C8orf34: variants seen among roughly 807,000 people sequenced by gnomAD.
The protein encoded by C8orf34 is chromosome 8 open reading frame 34, also known as uncharacterized protein C8orf34.
C8orf34 carries 65 observed loss-of-function variants against 68.3 expected under a neutral mutation model. The observed-to-expected ratio is 0.95, with a 90% CI of 0.78 to 1.17. The LOEUF is 1.17. Among genes scored for constraint, C8orf34 ranks in the 50% most tolerant of loss-of-function variants. The pLI, the probability that C8orf34 is intolerant of heterozygous loss-of-function variation, is 0.00. For synonymous variants in C8orf34, 244 were observed against 241.2 expected (o/e 1.01, Z -0.11); for missense variants, 664 against 655.4 (o/e 1.01, Z -0.14).
intron 10 of C8orf34, among the ~76,000 whole-genome samples, chr8:68,773,454 G>A (rs1218111838): frequency 6.6e-6 from 1 of 152,044 alleles, no homozygotes; most frequent in African/African-American, 2.4e-5. Flanking sequence ...AGGTTGGAGT[G>A]CAGTGGCATG....
At chr8:68,553,489 T>C (rs1329442814) in intron 7 of C8orf34, among the ~76,000 whole-genome samples, 2 of 151,756 alleles carry the variant, frequency 1.3e-5, no homozygotes, top group East Asian at 3.9e-4. Flanking sequence ...AATTCTCCAA[T>C]GAAGCCATCT....
chr8:68,598,853 C>T (rs1029886281), intron 7 of C8orf34, among the ~76,000 whole-genome samples: 14 of 151,632 alleles, frequency 9.2e-5, no homozygotes, highest in African/African-American at 2.9e-4. Context: ...ATACAGAGGA[C>T]GAGGAAGAGG....
At chr8:68,765,668 T>C (rs1823151222) in intron 10 of C8orf34, among the ~76,000 whole-genome samples, 1 of 152,324 alleles carries the variant, frequency 6.6e-6, no homozygotes, top group African/African-American at 2.4e-5. Flanking sequence ...ACTTTACTAG[T>C]GACGCTGTTA....
intron 5 of C8orf34, among the ~76,000 whole-genome samples, chr8:68,491,809 G>A (rs935578548): frequency 6.6e-6 from 1 of 152,206 alleles, no homozygotes; most frequent in Admixed American, 6.5e-5. Flanking sequence ...CTGGGAAGTC[G>A]TGATTCTGCC....
At chr8:68,661,054 G>T (rs993958013) in intron 8 of C8orf34, among the ~76,000 whole-genome samples, 1 of 152,152 alleles carries the variant, frequency 6.6e-6, no homozygotes, top group African/African-American at 2.4e-5. Context: ...AAGACTCTGG[G>T]CATGTGGTGC....
intron 1 of C8orf34, among the ~76,000 whole-genome samples, chr8:68,396,211 T>C (rs1312909145): frequency 2.6e-5 from 4 of 152,102 alleles, no homozygotes; most frequent in African/African-American, 4.8e-5. Context: ...GACTCTAGCA[T>C]TGAGTTTGAC....
chr8:68,369,325 T>C (rs1167075383), intron 1 of C8orf34, among the ~76,000 whole-genome samples: 1 of 152,200 alleles, frequency 6.6e-6, no homozygotes, highest in East Asian at 1.9e-4. Context: ...GTTTGCTTCT[T>C]GGGAGCCTTT....
At chr8:68,491,048 AAT>A (rs1295691202) in intron 5 of C8orf34, among the ~76,000 whole-genome samples, 1 of 152,180 alleles carries the variant, frequency 6.6e-6, no homozygotes, top group Admixed American at 6.5e-5. Context: ...GGATTCACTA[AAT>A]ATATGTTTTT....
At chr8:68,605,118 A>C (rs564764531) in intron 7 of C8orf34, among the ~76,000 whole-genome samples, 1 of 152,242 alleles carries the variant, frequency 6.6e-6, no homozygotes, top group African/African-American at 2.4e-5. Flanking sequence ...GCTCCACATC[A>C]TTTGTCATTC....
intron 1 of C8orf34, 181 bp from the exon 2 acceptor site, chr8:68,439,318 G>A: frequency 2.0e-6 from 1 of 497,006 alleles, no homozygotes; most frequent in East Asian, 3.2e-5. Context: ...CTCTGTTATT[G>A]TTTCCTCAGA....
intron 3 of C8orf34, among the ~76,000 whole-genome samples, chr8:68,463,558 C>G (rs991555577): frequency 6.6e-6 from 1 of 152,174 alleles, no homozygotes. Context: ...TACTGGCAAA[C>G]TGAATCCAGC....
intron 7 of C8orf34, among the ~76,000 whole-genome samples, chr8:68,546,422 AT>A (rs1487576674): frequency 6.6e-6 from 1 of 151,996 alleles, no homozygotes; most frequent in East Asian, 1.9e-4. Flanking sequence ...GATAAAAAGT[AT>A]ATTCAATAGG....
At chr8:68,597,040 A>G (rs1457450302) in intron 7 of C8orf34, among the ~76,000 whole-genome samples, 2 of 152,116 alleles carry the variant, frequency 1.3e-5, no homozygotes, top group Non-Finnish European at 2.9e-5. Context: ...TGAGTGTTGA[A>G]ACTTGATTTC....
At position 68,386,722 on chromosome 8, in the gene C8orf34, C is replaced by T. The variant is rs150191276; in HGVS notation, c.328-52777C>T. 5.5e-4 allele frequency among the ~76,000 whole-genome samples: 83 copies of T among 152,258 alleles called. 1 individual carries two copies. The highest frequency in any genetic ancestry group is 6.8e-3 in the Middle Eastern group (2 of 294). Reference sequence around the variant, plus strand: ...ACTAGGACTTCTGCAGACCTTTAGACGCCCACGCTGTGTACAGCATTAGAG... The same window carrying T: ...ACTAGGACTTCTGCAGACCTTTAGATGCCCACGCTGTGTACAGCATTAGAG... On this transcript the variant is annotated intron_variant, in intron 1 of 13. Coordinates refer to ENST00000518698, the MANE Select transcript of C8orf34 (RefSeq NM_052958.4).
rs138941170 is a variant in C8orf34 at position 68,440,966 on chromosome 8, A to G, written c.475+1320A>G. ...ACTACAGGCACCCGCCACCATACCC[A>G]GCTAGTTTTTTGTATTTTTAGTAGA... On this transcript the variant is annotated intron_variant, in intron 2 of 13. Transcript: ENST00000518698. Among the ~76,000 whole-genome samples the G allele has an allele frequency of 8.3e-3, 1,256 of 151,938 alleles. 17 individuals are homozygous for G. Among genetic ancestry groups the G allele is most frequent in the African/African-American group, 0.027 (1,127 of 41,438 alleles).
intron 11 of C8orf34, among the ~76,000 whole-genome samples, chr8:68,784,659 A>T (rs1046814790): frequency 1.3e-5 from 2 of 152,122 alleles, no homozygotes; most frequent in Non-Finnish European, 2.9e-5. Context: ...GGACTTACAG[A>T]TATTTATTGC....
intron 8 of C8orf34, among the ~76,000 whole-genome samples, chr8:68,694,493 A>C (rs1820772489): frequency 1.3e-5 from 2 of 152,158 alleles, no homozygotes; most frequent in African/African-American, 4.8e-5. Flanking sequence ...ACAATTTTTG[A>C]AAATGTCCTA....
intron 12 of C8orf34, among the ~76,000 whole-genome samples, chr8:68,794,476 A>ATATAT (rs1563673872): frequency 1.1e-4 from 12 of 111,612 alleles, no homozygotes; most frequent in African/African-American, 5.7e-4. Flanking sequence ...CCAGTATATA[A>ATATAT]ATATAAATAT....
At chr8:68,810,093 G>T (rs1255567893) in intron 12 of C8orf34, among the ~76,000 whole-genome samples, 1 of 152,208 alleles carries the variant, frequency 6.6e-6, no homozygotes, top group Non-Finnish European at 1.5e-5. Context: ...TGGCATCTTT[G>T]CCTAGTTTTG....
Sources: gnomAD v4.1 joint callset for allele counts (sites outside exome capture counted in the v4.1 genomes callset) on GRCh38, gnomAD v4.1.1 for gene constraint, MANE v1.5 for transcripts, NCBI Gene and HGNC (gene_info 2026-07-23, HGNC 2026-07-21) for gene names.